Variants in DMD observed in about 807,000 individuals in gnomAD.
The protein encoded by DMD is mutant dystrophin.
Under a neutral mutation model 330.1 loss-of-function variants are expected in DMD, and 63 were observed. That is an observed-to-expected ratio of 0.19 (90% confidence interval 0.16 to 0.24). The LOEUF (loss-of-function observed/expected upper bound fraction) is 0.24, where lower values mean the gene tolerates loss of function less well. Among genes scored for constraint, DMD ranks in the 10% least tolerant of loss-of-function variants. The pLI is 1.00. For missense variants in DMD, 3,344 were observed against 2,684.1 expected, an observed-to-expected ratio of 1.25 and a Z score of -5.43; for synonymous variants, 1,223 against 959.8, an observed-to-expected ratio of 1.27 and a Z score of -5.07.
chrX:33,263,433 T>TAAAA (rs1224053908), intron 1 of DMD, among the ~76,000 whole-genome samples: 22 of 105,204 alleles, frequency 2.1e-4, no homozygotes, highest in African/African-American at 7.6e-4. Context: ...GAGAGCTTTT[T>TAAAA]AAAAAATATA....
chrX:32,489,266 C>T (rs746487757), intron 20 of DMD, among the ~76,000 whole-genome samples: 27 of 108,983 alleles, frequency 2.5e-4, no homozygotes, highest in African/African-American at 9.0e-4. Flanking sequence ...AAGTCCTAAC[C>T]ATTGGTGAGA....
chrX:31,731,205 G>A (rs774158222), intron 51 of DMD, among the ~76,000 whole-genome samples: 129 of 111,803 alleles, frequency 1.2e-3, no homozygotes, highest in Non-Finnish European at 2.3e-3. Flanking sequence ...CAATTTTCAG[G>A]TTTCTAACTT....
At chrX:32,213,802 C>T (rs1236771245) in intron 44 of DMD, among the ~76,000 whole-genome samples, 5 of 110,865 alleles carry the variant, frequency 4.5e-5, no homozygotes, top group East Asian at 2.8e-4. Context: ...GGTGAAATCT[C>T]GTCTCTACTA....
chrX:33,075,189 C>T (rs2094820750), intron 1 of DMD, among the ~76,000 whole-genome samples: 1 of 111,857 alleles, frequency 8.9e-6, no homozygotes, highest in African/African-American at 3.3e-5. Flanking sequence ...GATGGCTCCA[C>T]CTGCACCTGC....
At chrX:31,676,339 C>T (rs1457519365) in intron 53 of DMD, among the ~76,000 whole-genome samples, 1 of 112,159 alleles carries the variant, frequency 8.9e-6, no homozygotes, top group Non-Finnish European at 1.9e-5. Flanking sequence ...GATGTAAAGA[C>T]CAGATAACCA....
At chrX:31,169,639 C>A in intron 73 of DMD, 38 bp from the exon 74 acceptor site, 1 of 1,147,085 alleles carries the variant, frequency 8.7e-7, no homozygotes, top group Admixed American at 2.4e-5. Flanking sequence ...TTTTTCCCCC[C>A]CTTATTTTGC....
chrX:32,711,369 T>C (rs1317933927), intron 7 of DMD, among the ~76,000 whole-genome samples: 1 of 110,821 alleles, frequency 9.0e-6, no homozygotes, highest in African/African-American at 3.3e-5. Context: ...TACTATATCC[T>C]ATGGAGCCTG....
At chrX:32,592,082 C>T (rs974967938) in intron 13 of DMD, among the ~76,000 whole-genome samples, 3 of 111,209 alleles carry the variant, frequency 2.7e-5, no homozygotes, top group Non-Finnish European at 5.7e-5. Context: ...CTGCAGGTAC[C>T]CCTTGGTATA....
intron 20 of DMD, among the ~76,000 whole-genome samples, chrX:32,488,712 A>G (rs2042711467): frequency 9.0e-6 from 1 of 111,447 alleles, no homozygotes; most frequent in Non-Finnish European, 1.9e-5. Context: ...CTCAACCTCC[A>G]GACAATATTT....
intron 43 of DMD, among the ~76,000 whole-genome samples, chrX:32,230,067 G>A (rs1458600189): frequency 1.8e-5 from 2 of 110,195 alleles, no homozygotes; most frequent in Non-Finnish European, 3.8e-5. Context: ...CTCCCTAAGG[G>A]TAGAAACTAT....
intron 27 of DMD, 102 bp from the exon 28 acceptor site, chrX:32,441,416 T>C: frequency 1.2e-6 from 1 of 833,382 alleles, no homozygotes; most frequent in East Asian, 3.2e-5. Context: ...TAACACTTTG[T>C]ATTTTTCACC....
intron 60 of DMD, among the ~76,000 whole-genome samples, chrX:31,392,795 C>G (rs2060739859): frequency 8.9e-6 from 1 of 112,148 alleles, no homozygotes; most frequent in Non-Finnish European, 1.9e-5. Flanking sequence ...AATTCTTTCT[C>G]TCTGAGGCAT....
chrX:32,921,202 G>A (rs1195158258), intron 2 of DMD, among the ~76,000 whole-genome samples: 1 of 111,812 alleles, frequency 8.9e-6, no homozygotes, highest in Non-Finnish European at 1.9e-5. Context: ...GAATAAGTTG[G>A]TAGGTTTGAA....
At chrX:32,054,086 TGTGA>T (rs1210457447) in intron 44 of DMD, among the ~76,000 whole-genome samples, 2,404 of 78,680 alleles carry the variant, frequency 0.031, 66 homozygotes, top group African/African-American at 0.076. Context: ...TGTGTGTGTG[TGTGA>T]GAGAGAGAGA....
intron 2 of DMD, among the ~76,000 whole-genome samples, chrX:32,861,429 C>G (rs989323053): frequency 8.9e-6 from 1 of 111,776 alleles, no homozygotes; most frequent in African/African-American, 3.3e-5. Flanking sequence ...AATGTTATCA[C>G]CTGGAGGTGG....
At chrX:32,401,279 T>C (rs1193010852) in intron 30 of DMD, among the ~76,000 whole-genome samples, 2 of 109,854 alleles carry the variant, frequency 1.8e-5, no homozygotes, top group East Asian at 5.8e-4. Flanking sequence ...CATGTATACA[T>C]ATGTGACTAA....
At chrX:32,032,510 T>C (rs2095893130) in intron 44 of DMD, among the ~76,000 whole-genome samples, 1 of 111,726 alleles carries the variant, frequency 9.0e-6, no homozygotes, top group Non-Finnish European at 1.9e-5. Flanking sequence ...TTGTAAGAAG[T>C]AACAGAAATG....
intron 43 of DMD, among the ~76,000 whole-genome samples, chrX:32,279,539 TTAAATGAAATAAGCCAGGCACAGAAAG>T (rs1293359503): frequency 9.0e-6 from 1 of 110,670 alleles, no homozygotes; most frequent in South Asian, 3.8e-4. Context: ...GGTCATTGTG[TTAAATGAAATAAGCCAGGCACAGAAAG>T]ACAAACATCA....
intron 41 of DMD, among the ~76,000 whole-genome samples, chrX:32,322,670 A>G (rs2097624438): frequency 8.9e-6 from 1 of 112,085 alleles, no homozygotes; most frequent in Non-Finnish European, 1.9e-5. Context: ...TGGGACAGAC[A>G]GCAACTTTAG....
Sources: allele counts gnomAD v4.1 joint callset (sites outside exome capture counted in the v4.1 genomes callset), GRCh38; gene constraint gnomAD v4.1.1; transcripts MANE v1.5; gene names NCBI Gene and HGNC (gene_info 2026-07-23, HGNC 2026-07-21).